AKAP12: variants seen among roughly 807,000 people sequenced by gnomAD.
AKAP12 encodes A-kinase anchoring protein 12.
Under a neutral mutation model 79.9 loss-of-function variants are expected in AKAP12, and 32 were observed. That is an observed-to-expected ratio of 0.40 (90% CI 0.30 to 0.54). The LOEUF (loss-of-function observed/expected upper bound fraction) is 0.54. AKAP12 is among the 20% of genes least tolerant of loss of function. AKAP12 has a pLI of 0.48. For synonymous variants in AKAP12, 808 were observed against 857.0 expected (o/e 0.94, Z 1.00); for missense variants, 2,074 against 2,177.0 (o/e 0.95, Z 0.94).
chr6:151,331,540 T>A lies in AKAP12; in HGVS notation c.320-17171T>A, dbSNP rs981119613. On this transcript the variant is annotated intron_variant, in intron 3 of 4. Coordinates refer to ENST00000402676, the MANE Select transcript of AKAP12 (RefSeq NM_005100.4). ...CAAGTTATTTTTCCTTCCGGAATGTTGTAGCATGAAGTAGCTTCATCCATA... is the reference window on the plus strand; with the variant it reads ...CAAGTTATTTTTCCTTCCGGAATGTAGTAGCATGAAGTAGCTTCATCCATA... Among the ~76,000 whole-genome samples the A allele has an allele frequency of 3.3e-5, 5 of 152,316 alleles. No individual in the cohort carries two copies. In the East Asian group the frequency reaches 9.7e-4, roughly 29 times the overall value.
chr6:151,332,033 G>GTGGTTTTT (rs1777686510), intron 3 of AKAP12, among the ~76,000 whole-genome samples: 4 of 79,690 alleles, frequency 5.0e-5, no homozygotes, highest in African/African-American at 2.2e-4. Context: ...TTCTGGGTCT[G>GTGGTTTTT]TTTTTTTTTT....
At chr6:151,302,508 T>C (rs1776884648) in intron 2 of AKAP12, among the ~76,000 whole-genome samples, 1 of 152,122 alleles carries the variant, frequency 6.6e-6, no homozygotes, top group Non-Finnish European at 1.5e-5. Flanking sequence ...TGTGCTATAG[T>C]CTTCATGTTT....
chr6:151,248,794 C>T (rs952210373), intron 2 of AKAP12, among the ~76,000 whole-genome samples: 1 of 152,048 alleles, frequency 6.6e-6, no homozygotes, highest in Non-Finnish European at 1.5e-5. Context: ...TCAAGACCAG[C>T]CTGGCCAACA....
chr6:151,344,776 C>G (rs917714527), intron 3 of AKAP12, among the ~76,000 whole-genome samples: 2 of 152,094 alleles, frequency 1.3e-5, no homozygotes, highest in African/African-American at 2.4e-5. Context: ...TTAAATGATC[C>G]ACCTGCCTGG....
At chr6:151,341,950 C>G (rs1168264300) in intron 3 of AKAP12, among the ~76,000 whole-genome samples, 1 of 152,218 alleles carries the variant, frequency 6.6e-6, no homozygotes, top group Non-Finnish European at 1.5e-5. Flanking sequence ...CAGCCCCCAG[C>G]CCTAGAAAGG....
At chr6:151,348,405 G>T (rs1338662618) in intron 3 of AKAP12, 1 of 512,416 alleles carries the variant, frequency 2.0e-6, no homozygotes, top group African/African-American at 1.9e-5. Flanking sequence ...TTGAGAAGCT[G>T]AGACAGGAGG....
intron 2 of AKAP12, among the ~76,000 whole-genome samples, chr6:151,246,364 G>T (rs945897991): frequency 6.6e-6 from 1 of 152,150 alleles, no homozygotes; most frequent in African/African-American, 2.4e-5. Context: ...GTTGCAGTGA[G>T]CTGAGATCTC....
chr6:151,306,590 A>G (rs576397330), intron 3 of AKAP12, among the ~76,000 whole-genome samples: 1 of 152,350 alleles, frequency 6.6e-6, no homozygotes, highest in Non-Finnish European at 1.5e-5. Flanking sequence ...ATGATTCGGC[A>G]TACGGTAAAT....
intron 2 of AKAP12, among the ~76,000 whole-genome samples, chr6:151,265,904 A>T (rs965865949): frequency 6.6e-6 from 1 of 152,178 alleles, no homozygotes; most frequent in South Asian, 2.1e-4. Flanking sequence ...AATGACATTT[A>T]TGTAATATTC....
intron 3 of AKAP12, chr6:151,325,211 C>T (rs1410575946): frequency 1.0e-6 from 1 of 985,288 alleles, no homozygotes; most frequent in East Asian, 1.1e-4. Context: ...TCAAATGCTA[C>T]AGATGCCAAG....
intron 2 of AKAP12, among the ~76,000 whole-genome samples, chr6:151,240,954 C>G (rs1251290053): frequency 6.6e-6 from 1 of 152,172 alleles, no homozygotes; most frequent in East Asian, 1.9e-4. Context: ...TGTCGCGGGT[C>G]TCCAGGGGAG....
chr6:151,335,683 G>C (rs1777794401), intron 3 of AKAP12, among the ~76,000 whole-genome samples: 1 of 152,020 alleles, frequency 6.6e-6, no homozygotes, highest in South Asian at 2.1e-4. Context: ...GTTGCCCAAA[G>C]CTGGTCTCAG....
At position 151,353,202 on chromosome 6, in the gene AKAP12, C is replaced by G. The variant is rs751928748; in HGVS notation, c.4811C>G (p.Ser1604Cys). The G allele has an allele frequency of 1.9e-6, 3 of 1,614,164 alleles. No homozygotes were observed. Among genetic ancestry groups the G allele is most frequent in the Non-Finnish European group, 2.5e-6 (3 of 1,180,036 alleles). ...TEKEGEEPQA[S>C]AQDETPITSA... ...AAAGAAGGAGAGGAACCTCAGGCCT[C>G]TGCACAGGATGAAACACCAATTACT... Residue 1604 changes from serine (S) to cysteine (C), a missense_variant, in exon 4 of 5, where the codon TCT becomes TGT. Physicochemically the swap from Ser to Cys is moderately radical, Grantham distance 112. This residue lies in a region of AKAP12 where 614 missense variants were observed against 665.6 expected (regional missense o/e 0.92). Transcript: ENST00000402676.
intron 2 of AKAP12, among the ~76,000 whole-genome samples, chr6:151,302,882 C>T (rs1050872182): frequency 5.9e-5 from 9 of 152,144 alleles, no homozygotes; most frequent in Admixed American, 2.0e-4. Flanking sequence ...TGTACATACT[C>T]AATGATATTT....
intron 2 of AKAP12, among the ~76,000 whole-genome samples, chr6:151,294,069 G>C (rs1973912): frequency 0.29 from 44,517 of 151,700 alleles, 7,027 homozygotes; most frequent in Admixed American, 0.45. Context: ...CTCCTCCCAG[G>C]TTCAAGCAAT....
At chr6:151,257,163 G>T (rs1797318666) in intron 2 of AKAP12, among the ~76,000 whole-genome samples, 1 of 152,070 alleles carries the variant, frequency 6.6e-6, no homozygotes, top group Non-Finnish European at 1.5e-5. Context: ...CCCAGGTGCT[G>T]AGCGTAGTAC....
At chr6:151,316,076 A>G (rs1777226855) in intron 3 of AKAP12, among the ~76,000 whole-genome samples, 1 of 152,232 alleles carries the variant, frequency 6.6e-6, no homozygotes, top group African/African-American at 2.4e-5. Context: ...TATCATATAG[A>G]AAAGGATGCT....
intron 2 of AKAP12, among the ~76,000 whole-genome samples, chr6:151,279,573 G>A (rs1376841163): frequency 6.6e-6 from 1 of 152,066 alleles, no homozygotes; most frequent in Admixed American, 6.6e-5. Context: ...ATCTGACCAT[G>A]GAGAAGGCAT....
chr6:151,325,405 C>T, intron 3 of AKAP12: 2 of 985,416 alleles, frequency 2.0e-6, no homozygotes, highest in Non-Finnish European at 2.4e-6. Flanking sequence ...TCCAATGCGC[C>T]GGCTCCAGCA....
Sources: gnomAD v4.1 joint callset for allele counts (sites outside exome capture counted in the v4.1 genomes callset) on GRCh38, gnomAD v4.1.1 for gene constraint, gnomAD v4.1.1 regional missense constraint, MANE v1.5 for transcripts, NCBI Gene and HGNC (gene_info 2026-07-23, HGNC 2026-07-21) for gene names.